The following PDE1A variants were observed in gnomAD, a reference collection of about 807,000 sequenced individuals.
PDE1A encodes the protein dual specificity calcium/calmodulin-dependent 3',5'-cyclic nucleotide phosphodiesterase 1A.
PDE1A carries 35 observed loss-of-function variants against 61.7 expected under a neutral mutation model. The observed-to-expected ratio is 0.57, with a 90% confidence interval of 0.43 to 0.75. PDE1A has a LOEUF of 0.75. Among genes scored for constraint, PDE1A ranks in the 30% least tolerant of loss-of-function variants. The pLI, the probability that PDE1A is intolerant of heterozygous loss-of-function variation, is 0.00. For synonymous variants in PDE1A, 232 were observed against 213.2 expected (o/e 1.09, Z -0.77); for missense variants, 597 against 630.6 (o/e 0.95, Z 0.57).
the PDE1A span, among the ~76,000 whole-genome samples, chr2:182,575,056 C>T: frequency 0.12 from 18,051 of 152,166 alleles, 3,000 homozygotes; most frequent in African/African-American, 0.38. Context: ...GTAGCTGGTA[C>T]TGATGACTAC....
At chr2:182,391,548 C>G (rs1574532011) in intron 1 of PDE1A, among the ~76,000 whole-genome samples, 1 of 152,122 alleles carries the variant, frequency 6.6e-6, no homozygotes, top group African/African-American at 2.4e-5. Flanking sequence ...CCTTGCAAAA[C>G]AGATTTGTGA....
chr2:182,638,545 GA>G, the PDE1A span, among the ~76,000 whole-genome samples: 29 of 151,914 alleles, frequency 1.9e-4, no homozygotes, highest in Non-Finnish European at 3.8e-4. Context: ...CAAAAAAAAT[GA>G]AAAAAACAAT....
At chr2:182,163,131 G>A (rs1336403514), downstream of PDE1A, among the ~76,000 whole-genome samples, 1 of 152,130 alleles carries the variant, frequency 6.6e-6, no homozygotes, top group Non-Finnish European at 1.5e-5. Context: ...ATGGATCCTG[G>A]AGAATGGCAA....
At chr2:182,627,481 C>T in the PDE1A span, among the ~76,000 whole-genome samples, 1 of 142,820 alleles carries the variant, frequency 7.0e-6, no homozygotes, top group East Asian at 2.0e-4. Flanking sequence ...ACTTTCAGTG[C>T]ATTCAAGATT....
chr2:182,193,208 G>A (rs1230067513), intron 10 of PDE1A, among the ~76,000 whole-genome samples: 1 of 151,884 alleles, frequency 6.6e-6, no homozygotes, highest in African/African-American at 2.4e-5. Flanking sequence ...GGTTGGTCTC[G>A]AACTCCTGAC....
At chr2:182,701,843 AAACT>A in the PDE1A span, among the ~76,000 whole-genome samples, 2 of 152,172 alleles carry the variant, frequency 1.3e-5, no homozygotes, top group Non-Finnish European at 2.9e-5. Flanking sequence ...TATTCCAGCA[AAACT>A]AACTGACTGA....
the PDE1A span, among the ~76,000 whole-genome samples, chr2:182,557,554 A>G: frequency 1.3e-5 from 2 of 152,046 alleles, no homozygotes; most frequent in Non-Finnish European, 2.9e-5. Context: ...TATACAAAAA[A>G]TACAAAACTA....
At chr2:182,366,094 G>A (rs776236763) in intron 1 of PDE1A, among the ~76,000 whole-genome samples, 3 of 152,022 alleles carry the variant, frequency 2.0e-5, no homozygotes, top group Non-Finnish European at 4.4e-5. Flanking sequence ...GAGAAACTGT[G>A]ATTACTTTTA....
the PDE1A span, among the ~76,000 whole-genome samples, chr2:182,698,326 C>A: frequency 2.6e-5 from 4 of 151,714 alleles, no homozygotes; most frequent in South Asian, 8.3e-4. Flanking sequence ...AAATTCAGCT[C>A]TTGGGAGTGT....
rs1688839055 is a variant in PDE1A at position 182,498,173 on chromosome 2, G to A, written c.101+24103C>T. ...CTTTGCAATGCGAGAAGGCAGCCAA[G>A]AATCACCAAACCTCTGAGGAAAGCC... On this transcript the variant is annotated intron_variant, in intron 2 of 14. Coordinates refer to the PDE1A transcript ENST00000410103. Among the ~76,000 whole-genome samples, 5 of 150,768 alleles carry A rather than the reference G, an allele frequency of 3.3e-5. No individual in the cohort carries two copies. The South Asian group carries it at 8.4e-4, about 25-fold the overall frequency.
chr2:182,711,074 A>G, the PDE1A span, among the ~76,000 whole-genome samples: 1 of 152,198 alleles, frequency 6.6e-6, no homozygotes, highest in Non-Finnish European at 1.5e-5. Flanking sequence ...TCAGAACCCA[A>G]CCAGTGTGAG....
chr2:182,599,968 C>T, the PDE1A span, among the ~76,000 whole-genome samples: 1 of 152,288 alleles, frequency 6.6e-6, no homozygotes, highest in Non-Finnish European at 1.5e-5. Flanking sequence ...GTTGCTACTT[C>T]AACATGACAG....
At chr2:182,250,017 C>G (rs1308779711) in intron 2 of PDE1A, among the ~76,000 whole-genome samples, 1 of 152,128 alleles carries the variant, frequency 6.6e-6, no homozygotes, top group African/African-American at 2.4e-5. Flanking sequence ...CAGGAGTGTC[C>G]ATGTCACATT....
At chr2:182,165,459 G>A (rs570076134), downstream of PDE1A, among the ~76,000 whole-genome samples, 2 of 152,224 alleles carry the variant, frequency 1.3e-5, no homozygotes, top group East Asian at 1.9e-4. Flanking sequence ...TACTAAGGGC[G>A]ATTGATTGGC....
intron 7 of PDE1A, among the ~76,000 whole-genome samples, chr2:182,207,660 C>A (rs966374359): frequency 6.6e-6 from 1 of 152,172 alleles, no homozygotes; most frequent in Non-Finnish European, 1.5e-5. Context: ...AATTTGCATA[C>A]GTAAAGAGAA....
intron 1 of PDE1A, among the ~76,000 whole-genome samples, chr2:182,266,218 A>C (rs1265765828): frequency 6.6e-6 from 1 of 152,182 alleles, no homozygotes; most frequent in Non-Finnish European, 1.5e-5. Flanking sequence ...ATACAGAATA[A>C]GCAAAACAAA....
At chr2:182,632,802 T>A in the PDE1A span, among the ~76,000 whole-genome samples, 1 of 152,170 alleles carries the variant, frequency 6.6e-6, no homozygotes, top group Admixed American at 6.5e-5. Flanking sequence ...TAAATAAAAG[T>A]TTCAAGTTCA....
the PDE1A span, among the ~76,000 whole-genome samples, chr2:182,673,646 C>A: frequency 3.6e-4 from 55 of 151,828 alleles, 2 homozygotes; most frequent in East Asian, 0.011. Flanking sequence ...TTTAAGATTT[C>A]GTTTTAATTT....
At chr2:182,377,333 C>T (rs1271504565) in intron 1 of PDE1A, among the ~76,000 whole-genome samples, 2 of 152,146 alleles carry the variant, frequency 1.3e-5, no homozygotes, top group Non-Finnish European at 2.9e-5. Context: ...TGCTCCTGCT[C>T]TCGCCATATA....
Sources: allele counts gnomAD v4.1 joint callset (sites outside exome capture counted in the v4.1 genomes callset), GRCh38; gene constraint gnomAD v4.1.1; transcripts MANE v1.5; gene names NCBI Gene and HGNC (gene_info 2026-07-23, HGNC 2026-07-21).